JAK1: variants seen among roughly 807,000 people sequenced by gnomAD.
JAK1 encodes the protein tyrosine-protein kinase JAK1.
Under a neutral mutation model 136.6 loss-of-function variants are expected in JAK1, and 16 were observed. The ratio of observed to expected loss-of-function variants is 0.12; its 90% confidence interval spans 0.08 to 0.18. JAK1 has a LOEUF of 0.18. Among genes scored for constraint, JAK1 ranks in the 10% least tolerant of loss-of-function variants. JAK1 has a pLI of 1.00. For synonymous variants in JAK1, 492 were observed against 519.5 expected, an observed-to-expected ratio of 0.95 and a Z score of 0.72; for missense variants, 859 against 1,450.1, an observed-to-expected ratio of 0.59 and a Z score of 6.62.
At chr1:65,033,654 G>A (rs1286090097) in intron 2 of JAK1, among the ~76,000 whole-genome samples, 5 of 150,974 alleles carry the variant, frequency 3.3e-5, no homozygotes, top group Non-Finnish European at 5.9e-5. Flanking sequence ...TTGGGAGGCC[G>A]AGGCAGGAGG....
At position 64,844,657 on chromosome 1, in the gene JAK1, G is replaced by T; in HGVS notation, c.2251+97C>A. On this transcript the variant is annotated intron_variant, in intron 16 of 24. Transcript: ENST00000342505. The surrounding 1 kb of genome is among the most constrained non-coding windows in gnomAD (Gnocchi z 5.7). ...CTCTACTAAAATACAAAAAAAAAAT[G>T]ACTCTCTAAAAGGAGACCAACCCCA... The T allele has an allele frequency of 7.3e-6, 10 of 1,367,910 alleles. No individual in the cohort carries two copies. Among genetic ancestry groups the T allele is most frequent in the South Asian group, 1.2e-5 (1 of 81,204 alleles). The allele number at this position is 1,367,910 out of a possible 1,614,324, so 84.7% of individuals were successfully genotyped here.
intron 17 of JAK1, among the ~76,000 whole-genome samples, chr1:64,843,039 C>T (rs1655006456): frequency 6.6e-6 from 1 of 152,164 alleles, no homozygotes; most frequent in Admixed American, 6.5e-5. Flanking sequence ...AGAAGAACAT[C>T]CCAAGGCCGA....
chr1:65,009,325 A>T (rs1569870635), intron 2 of JAK1, among the ~76,000 whole-genome samples: 1 of 152,272 alleles, frequency 6.6e-6, no homozygotes, highest in South Asian at 2.1e-4. Flanking sequence ...AAACATTTCT[A>T]AAAAAACATT....
At position 64,839,729 on chromosome 1, in the gene JAK1, C is replaced by T. The variant is rs2100961693; in HGVS notation, c.2716G>A (p.Ala906Thr). ...PEGDNTGEQV[A>T]VKSLKPESGG... ...CTCTCAGGCTTCAGAGATTTAACAG[C>T]CACCTGCTCCCCTGTATTGTCCCCT... The change falls in exon 20 of 25, where the codon GCT becomes ACT. Residue 906 changes from alanine (A) to threonine (T), a missense_variant. By Grantham distance (58) the Ala-to-Thr change is moderately conservative (BLOSUM62 0). Coordinates refer to ENST00000342505, the MANE Select transcript of JAK1 (RefSeq NM_002227.4). 1 of 1,614,228 alleles carries T rather than the reference C, an allele frequency of 6.2e-7. No homozygotes were observed. Among genetic ancestry groups the T allele is most frequent in the Non-Finnish European group, 8.5e-7 (1 of 1,180,024 alleles).
intron 1 of JAK1, among the ~76,000 whole-genome samples, chr1:65,057,168 A>G (rs1315448159): frequency 6.6e-6 from 1 of 152,158 alleles, no homozygotes; most frequent in Non-Finnish European, 1.5e-5. Flanking sequence ...CGTTCCATGA[A>G]ATTACCTGAG....
intron 1 of JAK1, among the ~76,000 whole-genome samples, chr1:64,957,562 G>A (rs1242130734): frequency 6.6e-6 from 1 of 152,190 alleles, no homozygotes; most frequent in Non-Finnish European, 1.5e-5. Context: ...TGTAATCCCA[G>A]CACTTTGGGA....
chr1:64,969,283 A>T (rs1232393741), upstream of JAK1, among the ~76,000 whole-genome samples: 1 of 151,928 alleles, frequency 6.6e-6, no homozygotes, highest in Non-Finnish European at 1.5e-5. Flanking sequence ...CACTATTGAC[A>T]TTGTGGGCTG....
chr1:64,842,483 G>A (rs912086568), intron 17 of JAK1, among the ~76,000 whole-genome samples: 5 of 152,124 alleles, frequency 3.3e-5, no homozygotes, highest in African/African-American at 1.2e-4. Context: ...GCAGGCCCCA[G>A]AGGACAGGGA....
intron 1 of JAK1, among the ~76,000 whole-genome samples, chr1:64,919,863 C>T (rs1305395906): frequency 1.3e-5 from 2 of 151,994 alleles, no homozygotes; most frequent in Admixed American, 6.6e-5. Flanking sequence ...TGGGGCCTGA[C>T]GGACACCCTA....
At chr1:64,836,426 C>T (rs1057371245) in intron 22 of JAK1, among the ~76,000 whole-genome samples, 1 of 152,040 alleles carries the variant, frequency 6.6e-6, no homozygotes, top group Non-Finnish European at 1.5e-5. Flanking sequence ...CTCGGTAGCA[C>T]GTATCTGCCC....
At chr1:65,037,929 C>A (rs903893505) in intron 2 of JAK1, among the ~76,000 whole-genome samples, 11 of 152,012 alleles carry the variant, frequency 7.2e-5, no homozygotes, top group Non-Finnish European at 1.5e-4. Context: ...GGCTGCCCAC[C>A]CTCTGCTTGA....
At chr1:64,836,041 G>C (rs1216036663) in intron 23 of JAK1, 57 bp downstream of exon 23, 10 of 904,442 alleles carry the variant, frequency 1.1e-5, no homozygotes, top group Admixed American at 1.9e-5. Flanking sequence ...CCAAGCAGAG[G>C]GATGGACACA....
At chr1:64,860,861 T>TGTGTGTGTGTG (rs58016723) in intron 8 of JAK1, among the ~76,000 whole-genome samples, 16 of 132,224 alleles carry the variant, frequency 1.2e-4, no homozygotes, top group South Asian at 2.4e-4. Flanking sequence ...TGTGTGTGTG[T>TGTGTGTGTGTG]TGGGGGTGAC....
At chr1:65,057,638 A>T (rs147875995) in intron 1 of JAK1, 1 of 154,814 alleles carries the variant, frequency 6.5e-6, no homozygotes, top group Non-Finnish European at 1.5e-5. Flanking sequence ...GAAGTAAGCT[A>T]TGATCATGCC....
intron 1 of JAK1, among the ~76,000 whole-genome samples, chr1:65,061,194 G>C (rs1005902996): frequency 6.6e-6 from 1 of 152,150 alleles, no homozygotes; most frequent in African/African-American, 2.4e-5. Context: ...TGAGGCAGGA[G>C]GATTGCTGGA....
intron 2 of JAK1, among the ~76,000 whole-genome samples, chr1:65,008,603 A>G (rs1222236556): frequency 2.6e-5 from 4 of 151,746 alleles, no homozygotes; most frequent in Non-Finnish European, 4.4e-5. Flanking sequence ...GGTTCATATA[A>G]TAAGTCCTGC....
At chr1:64,861,700 G>A (rs1050504806) in intron 8 of JAK1, among the ~76,000 whole-genome samples, 3 of 152,216 alleles carry the variant, frequency 2.0e-5, no homozygotes. Context: ...CACTCGGCAG[G>A]AGGGAGGTCA....
intron 2 of JAK1, among the ~76,000 whole-genome samples, chr1:65,028,784 G>A (rs1186646587): frequency 5.3e-5 from 8 of 152,056 alleles, no homozygotes; most frequent in Admixed American, 5.2e-4. Flanking sequence ...CTGAGATAAG[G>A]GTTATCATCC....
chr1:65,008,365 T>G (rs1440872255), intron 2 of JAK1, among the ~76,000 whole-genome samples: 2 of 152,200 alleles, frequency 1.3e-5, no homozygotes, highest in African/African-American at 4.8e-5. Flanking sequence ...GAGATTAAAT[T>G]GGAGAAATAG....
Sources: allele counts gnomAD v4.1 joint callset (sites outside exome capture counted in the v4.1 genomes callset), GRCh38; gene constraint gnomAD v4.1.1; non-coding constraint Gnocchi (gnomAD v3.1); transcripts MANE v1.5; gene names NCBI Gene and HGNC (gene_info 2026-07-23, HGNC 2026-07-21).